KIAA1217: variants seen among roughly 807,000 people sequenced by gnomAD.
KIAA1217 encodes the protein KIAA1217, also known as sickle tail protein homolog.
KIAA1217 carries 88 observed loss-of-function variants against 163.9 expected under a neutral mutation model. The observed-to-expected ratio is 0.54, with a 90% CI of 0.45 to 0.64. The LOEUF is 0.64. Among genes scored for constraint, KIAA1217 ranks in the 30% least tolerant of loss-of-function variants. The probability of loss-of-function intolerance (pLI) is 0.00; values close to 1 mark genes in which losing one functional copy is unlikely to be tolerated. For missense variants in KIAA1217, 2,372 were observed against 2,475.0 expected (o/e 0.96, Z 0.88); for synonymous variants, 903 against 923.1 (o/e 0.98, Z 0.39).
intron 1 of KIAA1217, among the ~76,000 whole-genome samples, chr10:23,864,071 A>T (rs1840071138): frequency 8.0e-6 from 1 of 125,114 alleles, no homozygotes; most frequent in South Asian, 2.2e-4. Flanking sequence ...CTTGTAAAGT[A>T]GTTATTATTA....
chr10:23,718,744 T>G (rs919345459), intron 1 of KIAA1217, among the ~76,000 whole-genome samples: 6 of 151,792 alleles, frequency 4.0e-5, no homozygotes, highest in Admixed American at 6.6e-5. Context: ...TATAGCAATC[T>G]CAAGGTTTAT....
chr10:24,520,234 G>C lies in KIAA1217; in HGVS notation c.2289G>C (p.Glu763Asp). Residue 763 changes from glutamate (E) to aspartate (D), a missense_variant, in exon 11 of 21, where the codon GAG (glutamate) becomes GAC (aspartate). Physicochemically the swap from Glu to Asp is conservative, Grantham distance 45. This residue lies in a region of KIAA1217 where 1,431 missense variants were observed against 1,470.3 expected (regional missense o/e 0.97). Coordinates refer to ENST00000376454, the MANE Select transcript of KIAA1217 (RefSeq NM_019590.5). ...CTTTCCTCCTGCGTCAAGTGGGAGA[G>C]GCTGTAGCTACCCTGAAAGGTAAAC... The part of the protein sequence containing the change: ...DGAFLLRQVG[E>D]AVATLKGEFP... The C allele has an allele frequency of 2.5e-6, 4 of 1,614,146 alleles. No individual in the cohort carries two copies. The highest frequency in any genetic ancestry group is 1.1e-5 in the South Asian group (1 of 91,076).
At chr10:24,289,732 G>C (rs964345822) in intron 2 of KIAA1217, among the ~76,000 whole-genome samples, 6 of 152,098 alleles carry the variant, frequency 3.9e-5, no homozygotes, top group African/African-American at 1.4e-4. Context: ...GGGACCTCTA[G>C]TAGGTAGTCT....
At chr10:23,796,069 C>T (rs1836186741) in intron 1 of KIAA1217, among the ~76,000 whole-genome samples, 1 of 152,150 alleles carries the variant, frequency 6.6e-6, no homozygotes, top group African/African-American at 2.4e-5. Flanking sequence ...AGTCCCTGCT[C>T]CATGTCAATC....
chr10:23,894,378 C>T (rs1053791952), intron 1 of KIAA1217, among the ~76,000 whole-genome samples: 1 of 151,092 alleles, frequency 6.6e-6, no homozygotes, highest in Non-Finnish European at 1.5e-5. Context: ...CATGAGTGAA[C>T]TCCCATTCAC....
At chr10:23,882,006 A>G (rs1037094458) in intron 1 of KIAA1217, among the ~76,000 whole-genome samples, 3 of 151,066 alleles carry the variant, frequency 2.0e-5, no homozygotes, top group African/African-American at 7.3e-5. Flanking sequence ...TGGTAAAAAT[A>G]TGGTTCACAA....
At chr10:24,500,378 T>C (rs2067403710) in intron 8 of KIAA1217, among the ~76,000 whole-genome samples, 1 of 137,282 alleles carries the variant, frequency 7.3e-6, no homozygotes, top group Non-Finnish European at 1.5e-5. Flanking sequence ...ATCCAGCCTC[T>C]ACTCCAGAAG....
At position 24,081,351 on chromosome 10, in the gene KIAA1217, T is replaced by C. The variant is rs148580055; in HGVS notation, c.-171+73977T>C. 3.5e-3 allele frequency among the ~76,000 whole-genome samples: 535 copies of C among 152,246 alleles called. 2 individuals are homozygous for C. The highest frequency in any genetic ancestry group is 0.012 in the African/African-American group (488 of 41,558). ...ATCAGGACACCCGATGTGAGCTGCATTGGGCTACCAAGGCAGAGTTTCTGT... is the reference window on the plus strand; with the variant it reads ...ATCAGGACACCCGATGTGAGCTGCACTGGGCTACCAAGGCAGAGTTTCTGT... On this transcript the variant is annotated intron_variant, in intron 2 of 18. Coordinates refer to the KIAA1217 transcript ENST00000376462.
At chr10:23,758,872 A>T (rs1834086524) in intron 1 of KIAA1217, among the ~76,000 whole-genome samples, 1 of 150,830 alleles carries the variant, frequency 6.6e-6, no homozygotes, top group Admixed American at 6.6e-5. Context: ...TTATTGTTAG[A>T]GATGGGGTTT....
chr10:23,792,065 A>G (rs771465442), intron 1 of KIAA1217, among the ~76,000 whole-genome samples: 4 of 152,220 alleles, frequency 2.6e-5, no homozygotes, highest in African/African-American at 7.2e-5. Flanking sequence ...TGTAAAAGCT[A>G]TAAGTGGCCT....
Position 23,854,547 on chromosome 10 carries a change from G to A in KIAA1217, c.-320-152678G>A, listed in dbSNP as rs537604528. On this transcript the variant is annotated intron_variant, in intron 1 of 18. Coordinates refer to the KIAA1217 transcript ENST00000376462. ...TATTAGATCCGCTTGGTGCAGAGCT[G>A]AGTTCAATTCCTGGGTATCCTTGTT... is the stretch of plus-strand genomic sequence containing the variant. Among the ~76,000 whole-genome samples the A allele has an allele frequency of 3.9e-5, 6 of 152,242 alleles. No homozygotes were observed. In the South Asian group the frequency reaches 1.2e-3, roughly 32 times the overall value.
intron 1 of KIAA1217, among the ~76,000 whole-genome samples, chr10:23,815,038 TA>T (rs1368209349): frequency 6.6e-6 from 1 of 152,220 alleles, no homozygotes; most frequent in African/African-American, 2.4e-5. Context: ...TCTTTCTCTC[TA>T]ACTACATCTT....
At chr10:24,059,779 A>G (rs2060651164) in intron 2 of KIAA1217, among the ~76,000 whole-genome samples, 1 of 152,106 alleles carries the variant, frequency 6.6e-6, no homozygotes, top group Non-Finnish European at 1.5e-5. Flanking sequence ...GGGTTTCACC[A>G]TGGTCTCGAT....
chr10:24,366,359 C>T (rs1460704816), intron 2 of KIAA1217, among the ~76,000 whole-genome samples: 1 of 152,046 alleles, frequency 6.6e-6, no homozygotes, highest in African/African-American at 2.4e-5. Flanking sequence ...GCAGGAGAAT[C>T]GCTTTAACTC....
intron 2 of KIAA1217, among the ~76,000 whole-genome samples, chr10:24,283,936 G>A (rs545798980): frequency 6.6e-6 from 1 of 150,776 alleles, no homozygotes; most frequent in African/African-American, 2.5e-5. Context: ...TTGAGACGGA[G>A]TCTCACTCTG....
intron 1 of KIAA1217, among the ~76,000 whole-genome samples, chr10:23,987,228 T>A (rs1353812298): frequency 6.6e-6 from 1 of 151,628 alleles, no homozygotes; most frequent in Non-Finnish European, 1.5e-5. Flanking sequence ...ATACAAAAAA[T>A]TAGCCGGGTG....
intron 14 of KIAA1217, among the ~76,000 whole-genome samples, chr10:24,529,038 T>C (rs2072687573): frequency 1.3e-5 from 2 of 152,210 alleles, no homozygotes; most frequent in South Asian, 4.1e-4. Flanking sequence ...CGGATGTTAT[T>C]TTACTTGCAG....
intron 5 of KIAA1217, among the ~76,000 whole-genome samples, chr10:24,452,455 T>C (rs1592060227): frequency 6.6e-6 from 1 of 150,682 alleles, no homozygotes; most frequent in East Asian, 1.9e-4. Context: ...GGGCGGATCA[T>C]GAGGTCAGGA....
intron 12 of KIAA1217, among the ~76,000 whole-genome samples, chr10:24,522,434 G>T (rs1180210836): frequency 6.6e-6 from 1 of 152,206 alleles, no homozygotes; most frequent in African/African-American, 2.4e-5. Flanking sequence ...GATGAATTCA[G>T]TTCAAAGAAA....
Sources: gnomAD v4.1 joint callset for allele counts (sites outside exome capture counted in the v4.1 genomes callset) on GRCh38, gnomAD v4.1.1 for gene constraint, gnomAD v4.1.1 regional missense constraint, MANE v1.5 for transcripts, NCBI Gene and HGNC (gene_info 2026-07-23, HGNC 2026-07-21) for gene names.